MRAP2: variants seen among roughly 807,000 people sequenced by gnomAD.
MRAP2 encodes the protein melanocortin 2 receptor accessory protein 2.
MRAP2 carries 20 observed loss-of-function variants against 17.4 expected under a neutral mutation model. The ratio of observed to expected loss-of-function variants is 1.15; its 90% CI spans 0.81 to 1.67. The LOEUF (loss-of-function observed/expected upper bound fraction) is 1.67, where lower values mean the gene tolerates loss of function less well. MRAP2 is among the 40% of genes most tolerant of loss of function. The pLI, the probability that MRAP2 is intolerant of heterozygous loss-of-function variation, is 0.00. For synonymous variants in MRAP2, 96 were observed against 88.4 expected (o/e 1.09, Z -0.48); for missense variants, 238 against 240.0 (o/e 0.99, Z 0.05).
At chr6:84,073,447 C>T (rs187391649) in intron 3 of MRAP2, among the ~76,000 whole-genome samples, 1 of 152,280 alleles carries the variant, frequency 6.6e-6, no homozygotes, top group Non-Finnish European at 1.5e-5. Flanking sequence ...TCTCCTGGGT[C>T]CTGCAGGAGC....
chr6:84,135,798 G>A, the MRAP2 span, among the ~76,000 whole-genome samples: 9 of 152,166 alleles, frequency 5.9e-5, no homozygotes, highest in Non-Finnish European at 1.2e-4. Flanking sequence ...GGGAGGCAGA[G>A]GTTGCTGTGA....
the MRAP2 span, among the ~76,000 whole-genome samples, chr6:84,125,646 C>G: frequency 1.3e-5 from 2 of 152,058 alleles, no homozygotes; most frequent in African/African-American, 4.8e-5. Flanking sequence ...CCAAAGTGAT[C>G]TCTCGCCCCT....
intron 1 of MRAP2, among the ~76,000 whole-genome samples, chr6:84,037,961 G>A (rs2099486586): frequency 6.6e-6 from 1 of 152,258 alleles, no homozygotes; most frequent in Admixed American, 6.5e-5. Flanking sequence ...TGCTGAGAGT[G>A]AGCGAGGGCT....
intron 3 of MRAP2, among the ~76,000 whole-genome samples, chr6:84,072,236 G>A (rs2099496372): frequency 6.6e-6 from 1 of 152,176 alleles, no homozygotes; most frequent in Non-Finnish European, 1.5e-5. Flanking sequence ...GCTGAAGGCT[G>A]TTATTCATAT....
the MRAP2 span, among the ~76,000 whole-genome samples, chr6:84,134,608 C>T: frequency 1.6e-4 from 24 of 152,114 alleles, no homozygotes; most frequent in South Asian, 8.3e-4. Flanking sequence ...GGGAGTTCCC[C>T]GACCCCTTGC....
chr6:84,047,403 C>G (rs1178325666), intron 1 of MRAP2, among the ~76,000 whole-genome samples: 2 of 151,560 alleles, frequency 1.3e-5, no homozygotes. Context: ...GTTGACCAGG[C>G]TGGTCTCGAA....
At chr6:84,113,389 C>T in the MRAP2 span, among the ~76,000 whole-genome samples, 1 of 152,124 alleles carries the variant, frequency 6.6e-6, no homozygotes, top group Non-Finnish European at 1.5e-5. Flanking sequence ...TCTGTTTTAT[C>T]AGAGACTAGG....
At chr6:84,143,395 C>A in the MRAP2 span, among the ~76,000 whole-genome samples, 1 of 151,782 alleles carries the variant, frequency 6.6e-6, no homozygotes, top group Non-Finnish European at 1.5e-5. Flanking sequence ...ATTAAAAGTT[C>A]TAATATACAT....
At chr6:84,138,269 C>T in the MRAP2 span, among the ~76,000 whole-genome samples, 3 of 152,198 alleles carry the variant, frequency 2.0e-5, no homozygotes, top group Admixed American at 6.5e-5. Context: ...TTTTCAGACA[C>T]TGGATAACAG....
intron 3 of MRAP2, among the ~76,000 whole-genome samples, chr6:84,079,881 A>T (rs930984821): frequency 6.6e-6 from 1 of 152,158 alleles, no homozygotes; most frequent in Non-Finnish European, 1.5e-5. Context: ...GTCCTTGTAG[A>T]AGTATTTTTT....
chr6:84,099,156 A>T, the MRAP2 span, among the ~76,000 whole-genome samples: 1 of 148,902 alleles, frequency 6.7e-6, no homozygotes, highest in Non-Finnish European at 1.5e-5. Context: ...GATCTTTTTA[A>T]TGAGAGATCA....
At chr6:84,065,578 A>G (rs1300800465) in intron 3 of MRAP2, among the ~76,000 whole-genome samples, 3 of 152,142 alleles carry the variant, frequency 2.0e-5, no homozygotes, top group African/African-American at 7.2e-5. Context: ...ATACCCTGTT[A>G]ATCTTCCTTT....
chr6:84,145,061 C>T, the MRAP2 span, among the ~76,000 whole-genome samples: 3 of 152,108 alleles, frequency 2.0e-5, no homozygotes, highest in Non-Finnish European at 2.9e-5. Context: ...CAGATATAAT[C>T]GGACAACTTA....
At chr6:84,064,543 A>G (rs978529619) in intron 3 of MRAP2, among the ~76,000 whole-genome samples, 1 of 152,078 alleles carries the variant, frequency 6.6e-6, no homozygotes, top group Non-Finnish European at 1.5e-5. Flanking sequence ...GCTGGAGTGC[A>G]GTGGCGCCAT....
At chr6:84,078,070 A>G (rs986598018) in intron 3 of MRAP2, among the ~76,000 whole-genome samples, 13 of 152,214 alleles carry the variant, frequency 8.5e-5, no homozygotes, top group Middle Eastern at 3.2e-3. Flanking sequence ...GAATATCTTC[A>G]TGATGTTAGG....
intron 3 of MRAP2, among the ~76,000 whole-genome samples, chr6:84,085,532 T>C (rs73752631): frequency 0.14 from 20,773 of 152,190 alleles, 1,455 homozygotes; most frequent in Middle Eastern, 0.23. Context: ...TAATTAGCCA[T>C]CCTGCATCCA....
At chr6:84,041,099 C>T (rs2099487451) in intron 1 of MRAP2, among the ~76,000 whole-genome samples, 1 of 152,144 alleles carries the variant, frequency 6.6e-6, no homozygotes, top group Non-Finnish European at 1.5e-5. Flanking sequence ...GACTTGGTGC[C>T]CTGCATCCTA....
At chr6:84,066,089 G>T (rs1026287713) in intron 3 of MRAP2, among the ~76,000 whole-genome samples, 1 of 151,978 alleles carries the variant, frequency 6.6e-6, no homozygotes, top group Non-Finnish European at 1.5e-5. Context: ...CTTCACTTCC[G>T]TGTGGTGTCA....
chr6:84,070,075 G>T lies in MRAP2; in HGVS notation c.227+7083G>T, dbSNP rs187613938. 6.0e-3 allele frequency among the ~76,000 whole-genome samples: 909 copies of T among 151,300 alleles called. 5 individuals carry two copies. Among genetic ancestry groups the T allele is most frequent in the African/African-American group, 0.021 (877 of 41,266 alleles). On this transcript the variant is annotated intron_variant, in intron 3 of 3. Coordinates refer to ENST00000257776, the MANE Select transcript of MRAP2 (RefSeq NM_138409.4). ...TTTCATTTATCTTTTGTATTTTTTT[G>T]GTTTCAATTTCATTTAGTTCTGCTC...
Sources: gnomAD v4.1 joint callset for allele counts (sites outside exome capture counted in the v4.1 genomes callset) on GRCh38, gnomAD v4.1.1 for gene constraint, MANE v1.5 for transcripts, NCBI Gene and HGNC (gene_info 2026-07-23, HGNC 2026-07-21) for gene names.